The following RYR2 variants were observed in gnomAD, a reference collection of about 807,000 sequenced individuals.
RYR2 encodes the protein cardiac muscle ryanodine receptor-calcium release channel.
Under a neutral mutation model 601.1 loss-of-function variants are expected in RYR2, and 227 were observed. That is an observed-to-expected ratio of 0.38 (90% confidence interval 0.34 to 0.42). RYR2 has a LOEUF of 0.42. RYR2 is among the 10% of genes least tolerant of loss of function. The pLI is 1.00. For synonymous variants in RYR2, 2,223 were observed against 2,175.1 expected (o/e 1.02, Z -0.61); for missense variants, 4,646 against 6,156.5 (o/e 0.75, Z 8.21).
intron 17 of RYR2, 71 bp downstream of exon 17, chr1:237,469,258 CAAAAAAAAAAAAA>C: frequency 9.3e-6 from 1 of 107,848 alleles, no homozygotes; most frequent in East Asian, 2.5e-4. Flanking sequence ...TCCTTTAAGA[CAAAAAAAAAAAAA>C]AAAAAAAACA....
intron 10 of RYR2, among the ~76,000 whole-genome samples, chr1:237,413,544 A>C (rs1490799709): frequency 6.6e-6 from 1 of 152,164 alleles, no homozygotes; most frequent in Non-Finnish European, 1.5e-5. Flanking sequence ...GACCTTTTAA[A>C]AATGTTTTGA....
chr1:237,449,755 C>CA (rs1335170125), intron 14 of RYR2, among the ~76,000 whole-genome samples: 1 of 110,618 alleles, frequency 9.0e-6, no homozygotes, highest in East Asian at 4.5e-4. Flanking sequence ...TCTAGATTGA[C>CA]AAGTTTTTTT....
At chr1:237,660,193 C>A in intron 55 of RYR2, 119 bp downstream of exon 55, 1 of 499,690 alleles carries the variant, frequency 2.0e-6, no homozygotes, top group South Asian at 6.9e-5. Flanking sequence ...ATTTTTTCTT[C>A]CAAAGGTCCC....
chr1:237,730,132 C>T, intron 76 of RYR2, 128 bp from the exon 77 acceptor site: 2 of 612,106 alleles, frequency 3.3e-6, no homozygotes, highest in Non-Finnish European at 5.9e-6. Flanking sequence ...GGAGGAGAGT[C>T]AAGAATAGAG....
chr1:237,470,176 A>G (rs1660554538), intron 17 of RYR2, among the ~76,000 whole-genome samples: 1 of 152,136 alleles, frequency 6.6e-6, no homozygotes, highest in African/African-American at 2.4e-5. Context: ...GCATGGTTTC[A>G]TTCATCTTTG....
intron 24 of RYR2, among the ~76,000 whole-genome samples, chr1:237,530,097 G>T (rs551773558): frequency 2.6e-5 from 4 of 152,154 alleles, no homozygotes; most frequent in African/African-American, 9.6e-5. Context: ...GGATCACGAG[G>T]TCAGGAGATC....
chr1:237,142,864 A>G (rs1244698928), intron 1 of RYR2, among the ~76,000 whole-genome samples: 1 of 152,114 alleles, frequency 6.6e-6, no homozygotes, highest in Non-Finnish European at 1.5e-5. Context: ...TCTAATACAG[A>G]TGGAAACCAG....
intron 48 of RYR2, among the ~76,000 whole-genome samples, 197 bp downstream of exon 48, chr1:237,643,644 G>T (rs11583669): frequency 1.4e-5 from 2 of 147,982 alleles, no homozygotes; most frequent in Non-Finnish European, 1.5e-5. Context: ...TTAGAGCCTT[G>T]CTCTGTAGCC....
chr1:237,740,265 T>C (rs1265444214), intron 79 of RYR2, among the ~76,000 whole-genome samples: 1 of 152,232 alleles, frequency 6.6e-6, no homozygotes, highest in Non-Finnish European at 1.5e-5. Context: ...GATCTTAGCA[T>C]ATTCTCAAGC....
At chr1:237,287,510 C>T (rs1316038412) in intron 2 of RYR2, among the ~76,000 whole-genome samples, 3 of 152,136 alleles carry the variant, frequency 2.0e-5, no homozygotes, top group East Asian at 3.9e-4. Context: ...TATTTTCTTA[C>T]TCTTTTTTCT....
intron 1 of RYR2, among the ~76,000 whole-genome samples, chr1:237,174,535 A>G (rs1677794301): frequency 6.6e-6 from 1 of 151,834 alleles, no homozygotes; most frequent in Non-Finnish European, 1.5e-5. Context: ...CACTACCCCA[A>G]CCCCTGACCT....
intron 1 of RYR2, among the ~76,000 whole-genome samples, chr1:237,137,585 C>T (rs1353083205): frequency 1.3e-5 from 2 of 152,102 alleles, no homozygotes; most frequent in Admixed American, 1.3e-4. Context: ...GAAGGGGAGT[C>T]CCCTAGAAGA....
intron 27 of RYR2, among the ~76,000 whole-genome samples, chr1:237,566,036 A>C (rs1024390169): frequency 6.6e-6 from 1 of 152,176 alleles, no homozygotes; most frequent in African/African-American, 2.4e-5. Flanking sequence ...TGAGTTCCTT[A>C]GCCATCACCA....
intron 1 of RYR2, among the ~76,000 whole-genome samples, chr1:237,069,230 G>A (rs1664013985): frequency 6.6e-6 from 1 of 152,194 alleles, no homozygotes; most frequent in East Asian, 1.9e-4. Context: ...TGTATTTTGT[G>A]ATAAGAGAAA....
chr1:237,078,729 A>G (rs1262345493), intron 1 of RYR2, among the ~76,000 whole-genome samples: 3 of 136,660 alleles, frequency 2.2e-5, no homozygotes, highest in Non-Finnish European at 4.7e-5. Context: ...TCCTTCTGAA[A>G]CTATTCCAAT....
chr1:237,432,410 A>T (rs888248609), intron 12 of RYR2, among the ~76,000 whole-genome samples: 81 of 152,130 alleles, frequency 5.3e-4, no homozygotes, highest in African/African-American at 1.8e-3. Flanking sequence ...CTACTCTAAG[A>T]CTGGGCATAA....
At chr1:237,799,211 C>T (rs1019856279) in intron 97 of RYR2, among the ~76,000 whole-genome samples, 1 of 152,080 alleles carries the variant, frequency 6.6e-6, no homozygotes, top group Non-Finnish European at 1.5e-5. Flanking sequence ...TATATTTAAA[C>T]GTTGTGCCGC....
chr1:237,573,628 C>T (rs1001482776), intron 29 of RYR2, among the ~76,000 whole-genome samples: 31 of 150,064 alleles, frequency 2.1e-4, no homozygotes, highest in African/African-American at 5.9e-4. Flanking sequence ...CTGGCTAACA[C>T]GGTGAAACCC....
At chr1:237,827,803 A>G (rs1284621358) in intron 101 of RYR2, among the ~76,000 whole-genome samples, 1 of 150,960 alleles carries the variant, frequency 6.6e-6, no homozygotes, top group East Asian at 2.0e-4. Flanking sequence ...CAGGTGTGGC[A>G]GTGTGTGCCT....
Sources: allele counts gnomAD v4.1 joint callset (sites outside exome capture counted in the v4.1 genomes callset), GRCh38; gene constraint gnomAD v4.1.1; transcripts MANE v1.5; gene names NCBI Gene and HGNC (gene_info 2026-07-23, HGNC 2026-07-21).